The following PLPPR5 variants were observed in gnomAD, a reference collection of about 807,000 sequenced individuals.
The protein encoded by PLPPR5 is phospholipid phosphatase related 5.
PLPPR5 carries 16 observed loss-of-function variants against 33.9 expected under a neutral mutation model. That is an observed-to-expected ratio of 0.47 (90% CI 0.32 to 0.72). The LOEUF is 0.72. Among genes scored for constraint, PLPPR5 ranks in the 30% least tolerant of loss-of-function variants. The pLI is 0.03. For missense variants in PLPPR5, 301 were observed against 406.7 expected (o/e 0.74, Z 2.23); for synonymous variants, 163 against 150.3 (o/e 1.08, Z -0.62).
intron 5 of PLPPR5, among the ~76,000 whole-genome samples, chr1:98,893,492 C>T (rs1648357851): frequency 6.6e-6 from 1 of 151,872 alleles, no homozygotes; most frequent in African/African-American, 2.4e-5. Flanking sequence ...TAGTGAAATG[C>T]TCAGACTAAA....
At chr1:98,895,610 C>A (rs1648443904) in intron 5 of PLPPR5, among the ~76,000 whole-genome samples, 1 of 151,932 alleles carries the variant, frequency 6.6e-6, no homozygotes. Flanking sequence ...AAAAATATCA[C>A]CAAGTTAAAC....
Position 98,892,926 on chromosome 1 carries a change from CAGAT to C in PLPPR5, c.*142_*145del, listed in dbSNP as rs138200085. The C allele has an allele frequency of 6.4e-4, 501 of 784,094 alleles. 2 individuals carry two copies. In the African/African-American group the frequency reaches 7.7e-3, roughly 12 times the overall value. The allele number at this position is 784,094 out of a possible 1,614,324, so 48.6% of individuals were successfully genotyped here. ...GGAGCTCACAGTCTAGTGGGGGAAA[CAGAT>C]AGGTTGACATTGATTTTAAAATTAT... On this transcript the variant is annotated 3_prime_UTR_variant, in exon 6 of 6. Coordinates refer to ENST00000263177, the MANE Select transcript of PLPPR5 (RefSeq NM_001037317.2).
chr1:99,004,568 G>A lies in PLPPR5; in HGVS notation c.104C>T (p.Thr35Met). The A allele has an allele frequency of 6.2e-7, 1 of 1,613,066 alleles. No homozygotes were observed. The highest frequency in any genetic ancestry group is 8.5e-7 in the Non-Finnish European group (1 of 1,179,846). ...GAAGCCCTGCACGTTCACGGTGAAC[G>A]TGTCCGTATACTCGAAGTAGTACGC... ...MLAYYFEYTDTFTVNVQGFFC... is the reference protein window; with the variant it reads ...MLAYYFEYTDMFTVNVQGFFC... Residue 35 changes from threonine to methionine, a missense_variant, in exon 1 of 6, where the codon ACG becomes ATG. Coordinates refer to ENST00000263177, the MANE Select transcript of PLPPR5 (RefSeq NM_001037317.2).
chr1:98,894,709 C>A (rs1178093126), intron 5 of PLPPR5, among the ~76,000 whole-genome samples: 1 of 152,064 alleles, frequency 6.6e-6, no homozygotes, highest in African/African-American at 2.4e-5. Flanking sequence ...TCAGGGTTCC[C>A]ATTGTTGACC....
intron 1 of PLPPR5, among the ~76,000 whole-genome samples, chr1:98,987,134 A>G (rs1313061464): frequency 1.3e-5 from 2 of 151,848 alleles, no homozygotes; most frequent in African/African-American, 4.8e-5. Flanking sequence ...CTACTTTGAT[A>G]CTGACAAACT....
rs1332895342 is a variant in PLPPR5 at position 98,958,018 on chromosome 1, G to T, written c.238-1277C>A. Among the ~76,000 whole-genome samples, 4 of 152,270 alleles carry T rather than the reference G, an allele frequency of 2.6e-5. No homozygotes were observed. In the East Asian group the frequency reaches 5.8e-4, roughly 22 times the overall value. ...GAGATTTAGGGAAGTTAAATAATGT[G>T]TTCTTTTTAAGGCCAGTCAGAAGCC... On this transcript the variant is annotated intron_variant, in intron 1 of 5. Transcript: ENST00000263177.
At chr1:98,904,939 A>T (rs1024317027) in intron 5 of PLPPR5, among the ~76,000 whole-genome samples, 30 of 152,194 alleles carry the variant, frequency 2.0e-4, no homozygotes, top group Non-Finnish European at 8.8e-5. Flanking sequence ...AAGTCCTCTA[A>T]ATCAGCACCT....
intron 5 of PLPPR5, among the ~76,000 whole-genome samples, chr1:98,912,330 CA>C (rs1236639166): frequency 4.6e-5 from 7 of 152,128 alleles, no homozygotes; most frequent in African/African-American, 1.7e-4. Flanking sequence ...GAAATTAGAA[CA>C]ATTCAATGGC....
At chr1:98,907,003 C>T (rs892370894) in intron 5 of PLPPR5, among the ~76,000 whole-genome samples, 3 of 152,086 alleles carry the variant, frequency 2.0e-5, no homozygotes, top group Non-Finnish European at 4.4e-5. Context: ...TAACCGTCAA[C>T]ATTTTCCAGT....
chr1:98,895,931 G>C (rs748703099), intron 5 of PLPPR5, among the ~76,000 whole-genome samples: 1 of 151,938 alleles, frequency 6.6e-6, no homozygotes, highest in African/African-American at 2.4e-5. Flanking sequence ...TGTACAGACA[G>C]ATCAGAGAGC....
chr1:98,961,433 C>T (rs756968572), intron 1 of PLPPR5, among the ~76,000 whole-genome samples: 3 of 152,168 alleles, frequency 2.0e-5, no homozygotes, highest in Non-Finnish European at 2.9e-5. Flanking sequence ...GCCTTGAAGG[C>T]AGAGGCACAG....
intron 2 of PLPPR5, among the ~76,000 whole-genome samples, chr1:98,956,013 T>G (rs1007662282): frequency 2.0e-5 from 3 of 152,196 alleles, no homozygotes; most frequent in African/African-American, 7.2e-5. Context: ...TAGTGAATCT[T>G]GTCCTCTAAT....
At chr1:98,970,302 C>T (rs1002800175) in intron 1 of PLPPR5, among the ~76,000 whole-genome samples, 1 of 151,984 alleles carries the variant, frequency 6.6e-6, no homozygotes, top group Non-Finnish European at 1.5e-5. Context: ...GCAGTCTGGT[C>T]TCATTTGTGC....
chr1:98,925,466 T>C (rs1649716282), intron 3 of PLPPR5, among the ~76,000 whole-genome samples: 1 of 152,240 alleles, frequency 6.6e-6, no homozygotes, highest in Admixed American at 6.5e-5. Context: ...CTGGTGTATA[T>C]TCTTCTACAC....
At chr1:98,923,815 C>A (rs998206017) in intron 3 of PLPPR5, among the ~76,000 whole-genome samples, 1 of 152,132 alleles carries the variant, frequency 6.6e-6, no homozygotes, top group African/African-American at 2.4e-5. Flanking sequence ...AAAGAGAAAA[C>A]GATGCTTTTG....
rs138879212 is a variant in PLPPR5 at position 98,971,528 on chromosome 1, T to C, written c.238-14787A>G. Reference sequence around the variant, plus strand: ...TTTTGAACTCTGAGATAGGAATCCTTGACTTTTATACTTGTAAGGCAATCT... The same window carrying C: ...TTTTGAACTCTGAGATAGGAATCCTCGACTTTTATACTTGTAAGGCAATCT... On this transcript the variant is annotated intron_variant, in intron 1 of 5. Coordinates refer to ENST00000263177, the MANE Select transcript of PLPPR5 (RefSeq NM_001037317.2). 3.4e-3 allele frequency among the ~76,000 whole-genome samples: 512 copies of C among 152,162 alleles called. 5 individuals carry two copies. The highest frequency in any genetic ancestry group is 0.01 in the Admixed American group (155 of 15,256).
chr1:98,933,529 T>C lies in PLPPR5; in HGVS notation c.622-11471A>G, dbSNP rs552014363. Among the ~76,000 whole-genome samples the C allele has an allele frequency of 2.4e-4, 36 of 149,044 alleles. 1 individual carries two copies. Among genetic ancestry groups the C allele is most frequent in the Non-Finnish European group, 4.5e-4 (30 of 67,174 alleles). On this transcript the variant is annotated intron_variant, in intron 3 of 5. Coordinates refer to ENST00000263177, the MANE Select transcript of PLPPR5 (RefSeq NM_001037317.2). ...TTTCAGAATTAAGAATAAAGGATTA[T>C]GAAACTGAGCTGTTCTGAGGACCAG... is the stretch of plus-strand genomic sequence containing the variant.
At chr1:98,912,242 AT>A (rs1389642830) in intron 5 of PLPPR5, among the ~76,000 whole-genome samples, 3 of 152,208 alleles carry the variant, frequency 2.0e-5, no homozygotes, top group Admixed American at 1.3e-4. Context: ...TTTCTTAACC[AT>A]TTGGAAGTTC....
At chr1:98,921,058 G>A (rs762103521) in intron 4 of PLPPR5, among the ~76,000 whole-genome samples, 4 of 151,982 alleles carry the variant, frequency 2.6e-5, no homozygotes, top group Non-Finnish European at 5.9e-5. Context: ...TAAGTATTTG[G>A]TACTGATAAT....
Sources: gnomAD v4.1 joint callset for allele counts (sites outside exome capture counted in the v4.1 genomes callset) on GRCh38, gnomAD v4.1.1 for gene constraint, MANE v1.5 for transcripts, NCBI Gene and HGNC (gene_info 2026-07-23, HGNC 2026-07-21) for gene names.